The following TDRD3 variants were observed in gnomAD, a reference collection of about 807,000 sequenced individuals.
TDRD3 encodes tudor domain containing 3.
Under a neutral mutation model 86.7 loss-of-function variants are expected in TDRD3, and 45 were observed. The observed-to-expected ratio is 0.52, with a 90% CI of 0.41 to 0.67. The LOEUF is 0.67. Among genes scored for constraint, TDRD3 ranks in the 30% least tolerant of loss-of-function variants. The probability of loss-of-function intolerance (pLI) is 0.00; values close to 1 mark genes in which losing one functional copy is unlikely to be tolerated. For missense variants in TDRD3, 814 were observed against 889.0 expected (o/e 0.92, Z 1.07); for synonymous variants, 298 against 301.7 (o/e 0.99, Z 0.13).
chr13:60,532,622 C>T (rs574624362), intron 11 of TDRD3, among the ~76,000 whole-genome samples: 1 of 152,280 alleles, frequency 6.6e-6, no homozygotes, highest in East Asian at 1.9e-4. Context: ...CATTAGTATA[C>T]ATATTGCTTA....
chr13:60,553,347 G>A (rs568670079), intron 12 of TDRD3, among the ~76,000 whole-genome samples: 3 of 152,220 alleles, frequency 2.0e-5, no homozygotes, highest in Admixed American at 6.5e-5. Flanking sequence ...TCTCTAGGAA[G>A]TTCCAAACTT....
At chr13:60,536,420 T>G (rs755582260) in intron 12 of TDRD3, 15 of 152,108 alleles carry the variant, frequency 9.9e-5, no homozygotes, top group Non-Finnish European at 2.1e-4. Context: ...CAATATCTAA[T>G]TTACATCTTT....
Position 60,397,247 on chromosome 13 carries a change from C to T in TDRD3, c.-118C>T, listed in dbSNP as rs1953940146. ...TGAGCATGCCCAGTTGCAGAGCCGA[C>T]CAGAGGAGTTTTTTCTTTTCTTTTC... On this transcript the variant is annotated 5_prime_UTR_variant, in exon 1 of 14. Transcript: ENST00000377881. 1.8e-6 allele frequency: 1 copy of T among 569,378 alleles called. No homozygotes were observed. Among genetic ancestry groups the T allele is most frequent in the Non-Finnish European group, 2.8e-6 (1 of 360,984 alleles). The allele number at this position is 569,378 out of a possible 1,614,324, so 35.3% of individuals were successfully genotyped here.
intron 5 of TDRD3, among the ~76,000 whole-genome samples, chr13:60,482,790 C>T (rs1465207407): frequency 6.6e-6 from 1 of 150,810 alleles, no homozygotes; most frequent in African/African-American, 2.4e-5. Flanking sequence ...ACAGTGTTTA[C>T]ACAATTCAGG....
intron 10 of TDRD3, among the ~76,000 whole-genome samples, chr13:60,513,396 T>A (rs1277250028): frequency 6.6e-6 from 1 of 152,240 alleles, no homozygotes; most frequent in Non-Finnish European, 1.5e-5. Context: ...GGATTAACAT[T>A]CAGCTCCTTG....
At chr13:60,424,105 T>G (rs1358124053) in intron 1 of TDRD3, among the ~76,000 whole-genome samples, 1 of 151,882 alleles carries the variant, frequency 6.6e-6, no homozygotes. Flanking sequence ...CACTGCAAGC[T>G]CCGCCTCCCG....
Position 60,535,218 on chromosome 13 carries a change from T to A in TDRD3, c.2103T>A (p.Ile701=). The change falls in exon 12 of 14, where the codon ATT becomes ATA. Residue 701 remains isoleucine, a synonymous_variant. Transcript: ENST00000377881. ...TGCTACTGAGCAATATCAAGCCCAT[T>A]CAAACAGAGGCATGGGTACGTGATA... ...EEVLLSNIKP[I]QTEAWEEEGT... is the part of the protein sequence containing the mutation. 6.2e-7 allele frequency: 1 copy of A among 1,613,470 alleles called. No individual in the cohort carries two copies. The highest frequency in any genetic ancestry group is 8.5e-7 in the Non-Finnish European group (1 of 1,179,638).
intron 11 of TDRD3, 98 bp downstream of exon 11, chr13:60,529,315 T>C: frequency 7.6e-7 from 1 of 1,307,886 alleles, no homozygotes. Flanking sequence ...TGAGTCTTTT[T>C]CTACTATTGT....
chr13:60,532,642 C>A (rs1234084091), intron 11 of TDRD3, among the ~76,000 whole-genome samples: 1 of 152,074 alleles, frequency 6.6e-6, no homozygotes, highest in Admixed American at 6.6e-5. Context: ...AAAAAATTTC[C>A]TCACAATATC....
In TDRD3 at chr13:60,462,427, A is replaced by G. The variant is rs564498135; in HGVS notation, c.353+1887A>G. ...TCGTATGCTCTTCACTCATCATTGA[A>G]GCAGCATGCCTACTTTTGGTGCCGT... On this transcript the variant is annotated intron_variant, in intron 4 of 13. Coordinates refer to ENST00000377881, the MANE Select transcript of TDRD3 (RefSeq NM_001146070.2). Among the ~76,000 whole-genome samples, 99 of 152,374 alleles carry G rather than the reference A, an allele frequency of 6.5e-4. 1 individual carries two copies. The highest frequency in any genetic ancestry group is 9.2e-4 in the Admixed American group (14 of 15,298).
chr13:60,398,349 C>T (rs539489819), intron 1 of TDRD3, among the ~76,000 whole-genome samples: 1 of 152,254 alleles, frequency 6.6e-6, no homozygotes, highest in South Asian at 2.1e-4. Flanking sequence ...TACAGAGGAA[C>T]AGATGAGTGC....
intron 2 of TDRD3, among the ~76,000 whole-genome samples, chr13:60,440,987 T>C (rs1271077484): frequency 6.6e-6 from 1 of 152,176 alleles, no homozygotes; most frequent in Non-Finnish European, 1.5e-5. Context: ...ATAAAATTTA[T>C]GTCCTACACT....
At chr13:60,443,723 T>G (rs934341602) in intron 2 of TDRD3, among the ~76,000 whole-genome samples, 3 of 151,970 alleles carry the variant, frequency 2.0e-5, no homozygotes, top group Non-Finnish European at 4.4e-5. Flanking sequence ...TTATAATTTA[T>G]GTGGTTAAAT....
intron 1 of TDRD3, among the ~76,000 whole-genome samples, chr13:60,436,898 A>G (rs925810750): frequency 3.9e-5 from 6 of 152,154 alleles, no homozygotes; most frequent in South Asian, 2.1e-4. Context: ...CTGATCTTCT[A>G]CGATGCAGAA....
chr13:60,447,589 G>T (rs1211955902), intron 3 of TDRD3, among the ~76,000 whole-genome samples: 1 of 152,048 alleles, frequency 6.6e-6, no homozygotes, highest in Non-Finnish European at 1.5e-5. Context: ...GATCTTCAAG[G>T]GGATTCAATA....
chr13:60,503,587 T>C (rs1243422629), intron 8 of TDRD3, among the ~76,000 whole-genome samples: 1 of 152,220 alleles, frequency 6.6e-6, no homozygotes, highest in East Asian at 1.9e-4. Flanking sequence ...CCTGTTTATC[T>C]CTTCTCTGGA....
chr13:60,519,756 C>T (rs1441058183), intron 10 of TDRD3, among the ~76,000 whole-genome samples: 1 of 152,174 alleles, frequency 6.6e-6, no homozygotes, highest in East Asian at 1.9e-4. Context: ...CTTGTCAAGC[C>T]TCTTTAGCTT....
At chr13:60,510,314 G>A (rs780951653) in intron 9 of TDRD3, among the ~76,000 whole-genome samples, 50 of 152,052 alleles carry the variant, frequency 3.3e-4, no homozygotes, top group Non-Finnish European at 6.5e-4. Flanking sequence ...GCATGGTCAA[G>A]TTTCTTATGT....
intron 10 of TDRD3, among the ~76,000 whole-genome samples, chr13:60,516,889 C>A (rs1448828898): frequency 6.6e-6 from 1 of 152,154 alleles, no homozygotes; most frequent in Non-Finnish European, 1.5e-5. Context: ...AGTGACCTTT[C>A]AAACCACAAA....
Sources: gnomAD v4.1 joint callset for allele counts (sites outside exome capture counted in the v4.1 genomes callset) on GRCh38, gnomAD v4.1.1 for gene constraint, MANE v1.5 for transcripts, NCBI Gene and HGNC (gene_info 2026-07-23, HGNC 2026-07-21) for gene names.